Variants in MALRD1 observed in about 807,000 individuals in gnomAD.
The protein encoded by MALRD1 is MAM and LDL receptor class A domain containing 1.
Under a neutral mutation model 242.1 loss-of-function variants are expected in MALRD1, and 247 were observed. The ratio of observed to expected loss-of-function variants is 1.02; its 90% CI spans 0.92 to 1.13. The LOEUF is 1.13. Among genes scored for constraint, MALRD1 ranks in the 50% most tolerant of loss-of-function variants. The probability of loss-of-function intolerance (pLI) is 0.00; values close to 1 mark genes in which losing one functional copy is unlikely to be tolerated. For missense variants in MALRD1, 2,989 were observed against 2,533.1 expected (o/e 1.18, Z -3.86); for synonymous variants, 995 against 866.6 (o/e 1.15, Z -2.60).
chr10:19,243,964 T>A (rs1838925222), intron 18 of MALRD1, among the ~76,000 whole-genome samples: 1 of 152,182 alleles, frequency 6.6e-6, no homozygotes, highest in Non-Finnish European at 1.5e-5. Flanking sequence ...AGGGAAATTT[T>A]ATTTTTAACT....
rs1351136027 is a variant in MALRD1, at chr10:19,734,253, G to A, written c.*16G>A. The A allele has an allele frequency of 2.6e-6, 4 of 1,525,810 alleles. No individual in the cohort carries two copies. The highest frequency in any genetic ancestry group is 2.6e-6 in the Non-Finnish European group (3 of 1,137,788). The allele number at this position is 1,525,810 out of a possible 1,614,324, so 94.5% of individuals were successfully genotyped here. ...TCTCAAATAGCAGCATCGAGACCAA[G>A]TCTGATCCAACATGTGTAGTTTCTA... is the stretch of plus-strand genomic sequence containing the variant. On this transcript the variant is annotated 3_prime_UTR_variant, in exon 40 of 40. Transcript: ENST00000454679.
At chr10:19,268,640 A>G (rs1415314221) in intron 19 of MALRD1, among the ~76,000 whole-genome samples, 1 of 152,192 alleles carries the variant, frequency 6.6e-6, no homozygotes, top group Non-Finnish European at 1.5e-5. Context: ...ATATTAGTCA[A>G]GAAATTCATT....
chr10:19,618,224 A>T (rs1466002916), intron 36 of MALRD1, among the ~76,000 whole-genome samples: 1 of 151,954 alleles, frequency 6.6e-6, no homozygotes, highest in Admixed American at 6.6e-5. Context: ...TCCTTTATCC[A>T]GTCTACCATC....
intron 11 of MALRD1, among the ~76,000 whole-genome samples, chr10:19,153,464 C>T (rs1834013924): frequency 6.6e-6 from 1 of 151,798 alleles, no homozygotes; most frequent in Non-Finnish European, 1.5e-5. Context: ...GCCTGAAATC[C>T]CAGCACTTTG....
chr10:19,451,559 C>T (rs983312317), intron 29 of MALRD1, among the ~76,000 whole-genome samples: 1 of 152,098 alleles, frequency 6.6e-6, no homozygotes, highest in African/African-American at 2.4e-5. Context: ...GAAAGATATG[C>T]CTTCTGTGGT....
At chr10:19,434,110 C>A (rs1191189099) in intron 28 of MALRD1, among the ~76,000 whole-genome samples, 2 of 152,144 alleles carry the variant, frequency 1.3e-5, no homozygotes, top group African/African-American at 2.4e-5. Context: ...ATTAAAATTC[C>A]TCCTTCACCT....
chr10:19,468,671 C>T (rs1463951632), intron 29 of MALRD1, among the ~76,000 whole-genome samples: 1 of 151,978 alleles, frequency 6.6e-6, no homozygotes, highest in Non-Finnish European at 1.5e-5. Context: ...AAGAACACAG[C>T]CTCTGTGAGG....
At chr10:19,520,753 AAAAC>A (rs1833842769) in intron 31 of MALRD1, among the ~76,000 whole-genome samples, 1 of 152,132 alleles carries the variant, frequency 6.6e-6, no homozygotes, top group South Asian at 2.1e-4. Context: ...TTCGACAACA[AAAAC>A]AAACCCTGAT....
At chr10:19,056,759 C>T (rs1258920289) in intron 1 of MALRD1, among the ~76,000 whole-genome samples, 1 of 151,982 alleles carries the variant, frequency 6.6e-6, no homozygotes, top group African/African-American at 2.4e-5. Context: ...TTTGTTTTGT[C>T]CCTGATCTTA....
In MALRD1 at chr10:19,441,477, T is replaced by C. The variant is rs182213993; in HGVS notation, c.4846-8830T>C. On this transcript the variant is annotated intron_variant, in intron 28 of 39. Coordinates refer to ENST00000454679, the MANE Select transcript of MALRD1 (RefSeq NM_001142308.3). Reference sequence around the variant, plus strand: ...TCTAGGATTTTTATGGTTATAGGTCTAACATTTACGTCTTTAATCCATCTT... The same window carrying C: ...TCTAGGATTTTTATGGTTATAGGTCCAACATTTACGTCTTTAATCCATCTT... 9.8e-4 allele frequency among the ~76,000 whole-genome samples: 149 copies of C among 152,356 alleles called. 1 individual carries two copies. Among genetic ancestry groups the C allele is most frequent in the East Asian group, 8.5e-3 (44 of 5,188 alleles).
intron 22 of MALRD1, among the ~76,000 whole-genome samples, chr10:19,325,168 A>G (rs1843072493): frequency 6.6e-6 from 1 of 151,636 alleles, no homozygotes; most frequent in Non-Finnish European, 1.5e-5. Flanking sequence ...GTTTTATATC[A>G]ATGTGGACTC....
At chr10:19,580,154 A>AT (rs1305776383) in intron 33 of MALRD1, among the ~76,000 whole-genome samples, 1 of 152,072 alleles carries the variant, frequency 6.6e-6, no homozygotes, top group East Asian at 1.9e-4. Context: ...CCTTTTTTAT[A>AT]TTTTTAATAT....
intron 4 of MALRD1, 77 bp downstream of exon 4, chr10:19,088,262 G>C: frequency 8.5e-7 from 1 of 1,178,858 alleles, no homozygotes; most frequent in South Asian, 4.4e-5. Context: ...TGAACTAAAA[G>C]TAAGGCAACT....
chr10:19,525,161 C>T (rs544274832), intron 31 of MALRD1, among the ~76,000 whole-genome samples: 34 of 151,798 alleles, frequency 2.2e-4, no homozygotes, highest in Non-Finnish European at 1.0e-4. Flanking sequence ...GTGATCTGCC[C>T]GCCTGGGCCT....
rs1833215861 is a variant in MALRD1, at chr10:19,133,878, A to G, written c.1133A>G (p.Tyr378Cys). Residue 378 changes from tyrosine (Y) to cysteine (C), a missense_variant, in exon 9 of 40, where the codon TAC (tyrosine) becomes TGC (cysteine). Transcript: ENST00000454679. The part of the protein sequence containing the change: ...NNKEEEIFWT[Y>C]NISTHSQWVK... ...AAGGAAGAAGAAATATTTTGGACAT[A>G]CAACATATCAACTCACAGCCAATGG... 42 of 1,230,426 alleles carry G rather than the reference A, an allele frequency of 3.4e-5. No individual in the cohort carries two copies. Among genetic ancestry groups the G allele is most frequent in the Non-Finnish European group, 4.2e-5 (41 of 986,880 alleles). 76.2% of individuals were successfully genotyped at this position (1,230,426 alleles called of 1,614,324 possible). A position where few individuals can be genotyped will look rare whatever the true frequency, so the allele number is the denominator to read the frequency against.
chr10:19,464,413 C>T (rs973847073), intron 29 of MALRD1, among the ~76,000 whole-genome samples: 2 of 152,184 alleles, frequency 1.3e-5, no homozygotes, highest in African/African-American at 4.8e-5. Flanking sequence ...GACCCAGTTG[C>T]ATTCTCCTAC....
At chr10:19,237,626 AAT>A (rs538527077) in intron 18 of MALRD1, among the ~76,000 whole-genome samples, 1 of 16,112 alleles carries the variant, frequency 6.2e-5, no homozygotes, top group Non-Finnish European at 8.8e-5. Context: ...ATAATTATAT[AAT>A]TATAATTATA....
At chr10:19,584,429 T>G (rs969632121) in intron 33 of MALRD1, among the ~76,000 whole-genome samples, 2 of 151,780 alleles carry the variant, frequency 1.3e-5, no homozygotes, top group African/African-American at 4.8e-5. Context: ...GTTGTGTCTT[T>G]GTTCTCGTAG....
chr10:19,316,150 A>G (rs1475306909), intron 21 of MALRD1, among the ~76,000 whole-genome samples: 1 of 151,424 alleles, frequency 6.6e-6, no homozygotes, highest in Non-Finnish European at 1.5e-5. Context: ...AAATTTACAT[A>G]ATTTACTAAG....
Sources: gnomAD v4.1 joint callset for allele counts (sites outside exome capture counted in the v4.1 genomes callset) on GRCh38, gnomAD v4.1.1 for gene constraint, MANE v1.5 for transcripts, NCBI Gene and HGNC (gene_info 2026-07-23, HGNC 2026-07-21) for gene names.